Variants in EPS15 observed in about 807,000 individuals in gnomAD.
EPS15 encodes epidermal growth factor receptor pathway substrate 15.
Under a neutral mutation model 113.8 loss-of-function variants are expected in EPS15, and 72 were observed. The observed-to-expected ratio is 0.63, with a 90% CI of 0.52 to 0.77. The LOEUF (loss-of-function observed/expected upper bound fraction) is 0.77. Ranked by LOEUF, EPS15 falls within the 30% of genes least tolerant of loss-of-function variation. The probability of loss-of-function intolerance (pLI) is 0.00; values close to 1 mark genes in which losing one functional copy is unlikely to be tolerated. For missense variants in EPS15, 1,048 were observed against 1,045.8 expected (o/e 1.00, Z -0.03); for synonymous variants, 344 against 363.4 (o/e 0.95, Z 0.61).
chr1:51,511,357 GT>G (rs1209164058), intron 1 of EPS15, among the ~76,000 whole-genome samples: 1 of 151,470 alleles, frequency 6.6e-6, no homozygotes, highest in Non-Finnish European at 1.5e-5. Context: ...TTAGCCAGGC[GT>G]GGTGATGCAC....
intron 9 of EPS15, 57 bp from the exon 10 acceptor site, chr1:51,447,162 C>A: frequency 1.4e-6 from 2 of 1,470,170 alleles, no homozygotes; most frequent in South Asian, 2.5e-5. Context: ...TTTGAAGTGT[C>A]ACTCTTTCAA....
rs60743883 is a variant in EPS15, at chr1:51,458,519, C to T, written c.561+2572G>A. 3.3e-3 allele frequency: 1,443 copies of T among 443,360 alleles called. 13 individuals are homozygous for T. Among genetic ancestry groups the T allele is most frequent in the African/African-American group, 0.028 (1,334 of 48,484 alleles). 27.5% of individuals were successfully genotyped at this position (443,360 alleles called of 1,614,324 possible). A position where few individuals can be genotyped will look rare whatever the true frequency, so the allele number is the denominator to read the frequency against. On this transcript the variant is annotated intron_variant, in intron 8 of 24. Coordinates refer to ENST00000371733, the MANE Select transcript of EPS15 (RefSeq NM_001981.3). ...TGGGAGGCCGAGGCGAGTGGATCAC[C>T]TATTATCAGGAGCTCGAGACCAGTC...
At chr1:51,505,289 C>T (rs1378998217) in intron 1 of EPS15, among the ~76,000 whole-genome samples, 1 of 152,000 alleles carries the variant, frequency 6.6e-6, no homozygotes, top group Non-Finnish European at 1.5e-5. Flanking sequence ...CAAATATCCA[C>T]CAATGAACAA....
Position 51,361,220 on chromosome 1 carries a change from G to C in EPS15, c.2495C>G (p.Thr832Ser). 1 of 1,614,040 alleles carries C rather than the reference G, an allele frequency of 6.2e-7. No individual in the cohort carries two copies. The highest frequency in any genetic ancestry group is 8.5e-7 in the Non-Finnish European group (1 of 1,179,904). The change falls in exon 24 of 25, where the codon ACC (threonine) becomes AGC (serine). Residue 832 changes from threonine to serine, a missense_variant. Thr to Ser is a moderately conservative substitution (Grantham distance 58, BLOSUM62 1). Transcript: ENST00000371733. ...TGGATCAGCCTCTTTATTGGTAGTGGTAGTAGCAGAAGTGAATGGATCACA... is the reference window on the plus strand; with the variant it reads ...TGGATCAGCCTCTTTATTGGTAGTGCTAGTAGCAGAAGTGAATGGATCACA... Reference protein sequence around the residue: ...IFCDPFTSATTTTNKEADPSN... With the variant: ...IFCDPFTSATSTTNKEADPSN...
In EPS15 at chr1:51,405,963, T is replaced by G; in HGVS notation, c.1619A>C (p.Asn540Thr). 1 of 1,614,170 alleles carries G rather than the reference T, an allele frequency of 6.2e-7. No homozygotes were observed. The highest frequency in any genetic ancestry group is 8.5e-7 in the Non-Finnish European group (1 of 1,180,012). ...STSSSETANL[N>T]EHVEGQSNLE... ...GTTGCTCTGGCCTTCAACATGTTCA[T>G]TAAGGTTGGCTGTTTCACTGCTGCT... The change falls in exon 16 of 25, where the codon AAT (asparagine) becomes ACT (threonine). Residue 540 changes from asparagine (N) to threonine (T), a missense_variant. By Grantham distance (65) the Asn-to-Thr change is moderately conservative (BLOSUM62 0). Coordinates refer to ENST00000371733, the MANE Select transcript of EPS15 (RefSeq NM_001981.3).
At chr1:51,361,713 TAA>T (rs780672113) in intron 23 of EPS15, among the ~76,000 whole-genome samples, 1 of 152,200 alleles carries the variant, frequency 6.6e-6, no homozygotes, top group East Asian at 1.9e-4. Flanking sequence ...TAATAAAGAA[TAA>T]AGACAGAAAT....
At chr1:51,483,376 T>C (rs1310252398) in intron 1 of EPS15, among the ~76,000 whole-genome samples, 6 of 151,476 alleles carry the variant, frequency 4.0e-5, no homozygotes, top group Non-Finnish European at 5.9e-5. Flanking sequence ...CACAGATATA[T>C]ATATTCGAAC....
At chr1:51,360,835 C>T (rs1646367769) in intron 24 of EPS15, among the ~76,000 whole-genome samples, 1 of 152,082 alleles carries the variant, frequency 6.6e-6, no homozygotes, top group African/African-American at 2.4e-5. Flanking sequence ...AGAGCAATGA[C>T]TCTGTAATTG....
chr1:51,399,397 C>T (rs984277231), intron 19 of EPS15, among the ~76,000 whole-genome samples: 1 of 151,794 alleles, frequency 6.6e-6, no homozygotes, highest in Admixed American at 6.6e-5. Context: ...CTAAAAAACA[C>T]AAAAATTAGC....
At chr1:51,493,610 ACTTT>A (rs1644279579) in intron 1 of EPS15, among the ~76,000 whole-genome samples, 1 of 151,084 alleles carries the variant, frequency 6.6e-6, no homozygotes, top group Non-Finnish European at 1.5e-5. Flanking sequence ...GAGGCTCTTA[ACTTT>A]CTTTTTTTGG....
chr1:51,409,921 G>A (rs1000681847), intron 13 of EPS15, among the ~76,000 whole-genome samples: 6 of 151,972 alleles, frequency 3.9e-5, no homozygotes, highest in African/African-American at 1.5e-4. Context: ...CCTTGGACAT[G>A]TGATGGGCTT....
At chr1:51,397,919 A>G (rs181998487) in intron 20 of EPS15, among the ~76,000 whole-genome samples, 1 of 152,350 alleles carries the variant, frequency 6.6e-6, no homozygotes, top group Admixed American at 6.5e-5. Flanking sequence ...TCAAAATACA[A>G]ATTAAAAAGC....
At chr1:51,457,842 C>A (rs1654133809) in intron 8 of EPS15, 1 of 151,904 alleles carries the variant, frequency 6.6e-6, no homozygotes, top group Non-Finnish European at 1.5e-5. Flanking sequence ...GACATTATAA[C>A]AAAATTTCCA....
At chr1:51,472,744 G>A (rs1204634475) in intron 3 of EPS15, 115 bp downstream of exon 3, 1 of 720,058 alleles carries the variant, frequency 1.4e-6, no homozygotes, top group Non-Finnish European at 2.4e-6. Flanking sequence ...TGGCTTCTAT[G>A]ACTCGGTTCT....
intron 12 of EPS15, among the ~76,000 whole-genome samples, chr1:51,427,869 A>G (rs945350770): frequency 2.6e-5 from 4 of 152,226 alleles, no homozygotes; most frequent in African/African-American, 7.2e-5. Context: ...AAATATCTGC[A>G]TCTACAGATC....
At chr1:51,409,292 A>C (rs1649458854) in intron 14 of EPS15, among the ~76,000 whole-genome samples, 1 of 152,136 alleles carries the variant, frequency 6.6e-6, no homozygotes, top group Non-Finnish European at 1.5e-5. Flanking sequence ...GGAGAGTTGA[A>C]GGTATAGGCA....
intron 12 of EPS15, among the ~76,000 whole-genome samples, chr1:51,430,726 T>TG (rs1651638868): frequency 6.6e-6 from 1 of 152,004 alleles, no homozygotes; most frequent in Non-Finnish European, 1.5e-5. Context: ...GAGGCTGAAG[T>TG]GGGAGGACCA....
chr1:51,393,450 C>A (rs1647596045), intron 21 of EPS15, among the ~76,000 whole-genome samples: 1 of 152,212 alleles, frequency 6.6e-6, no homozygotes, highest in Non-Finnish European at 1.5e-5. Context: ...GATCTACCTG[C>A]CTTGGTTTCC....
At chr1:51,459,089 A>T (rs1467424718) in intron 8 of EPS15, 1 of 152,280 alleles carries the variant, frequency 6.6e-6, no homozygotes, top group African/African-American at 2.4e-5. Flanking sequence ...CTGCATTTTT[A>T]AAATGTGGTA....
Sources: gnomAD v4.1 joint callset for allele counts (sites outside exome capture counted in the v4.1 genomes callset) on GRCh38, gnomAD v4.1.1 for gene constraint, MANE v1.5 for transcripts, NCBI Gene and HGNC (gene_info 2026-07-23, HGNC 2026-07-21) for gene names.